Variants in MRE11 observed in about 807,000 individuals in gnomAD.
MRE11 encodes the protein MRE11 double strand break repair nuclease, also known as double-strand break repair protein MRE11.
In MRE11, 62 loss-of-function variants were observed where a neutral mutation model predicts 91.7. The ratio of observed to expected loss-of-function variants is 0.68; its 90% CI spans 0.55 to 0.84. The LOEUF (loss-of-function observed/expected upper bound fraction) is 0.84. Among genes scored for constraint, MRE11 ranks in the 40% least tolerant of loss-of-function variants. The probability of loss-of-function intolerance (pLI) is 0.00; values close to 1 mark genes in which losing one functional copy is unlikely to be tolerated. For synonymous variants in MRE11, 273 were observed against 271.4 expected (o/e 1.01, Z -0.06); for missense variants, 796 against 852.9 (o/e 0.93, Z 0.83).
intron 19 of MRE11, among the ~76,000 whole-genome samples, chr11:94,427,056 T>A (rs897811172): frequency 6.6e-6 from 1 of 152,170 alleles, no homozygotes; most frequent in African/African-American, 2.4e-5. Context: ...GAAGCCAGCA[T>A]CAGCCTGATA....
chr11:94,489,383 G>C (rs945958288), intron 3 of MRE11, among the ~76,000 whole-genome samples: 1 of 152,088 alleles, frequency 6.6e-6, no homozygotes, highest in African/African-American at 2.4e-5. Context: ...CAGGGGTCAA[G>C]ATCAAGTCGA....
chr11:94,438,123 G>A (rs558729667), intron 16 of MRE11, among the ~76,000 whole-genome samples: 29 of 151,656 alleles, frequency 1.9e-4, no homozygotes, highest in Middle Eastern at 3.4e-3. Flanking sequence ...GCGAAACTCC[G>A]TCTCAAAAAA....
intron 13 of MRE11, 135 bp from the exon 14 acceptor site, chr11:94,456,473 T>C (rs974979988): frequency 2.2e-5 from 16 of 720,456 alleles, no homozygotes; most frequent in Non-Finnish European, 3.3e-5. Flanking sequence ...AAGTAAATCA[T>C]ATTTTTCCAA....
At chr11:94,476,475 T>C in intron 6 of MRE11, 72 bp from the exon 7 acceptor site, 1 of 976,928 alleles carries the variant, frequency 1.0e-6, no homozygotes, top group South Asian at 1.3e-5. Flanking sequence ...ATTTTGCTTC[T>C]AAATTATGTC....
the MRE11 span, among the ~76,000 whole-genome samples, chr11:94,506,593 G>GTT: frequency 0.032 from 4,509 of 140,856 alleles, 271 homozygotes; most frequent in African/African-American, 0.11. Flanking sequence ...TGCTTTTTTT[G>GTT]TTTTTTTTTT....
chr11:94,488,410 C>A (rs1156834923), intron 3 of MRE11, among the ~76,000 whole-genome samples: 1 of 152,128 alleles, frequency 6.6e-6, no homozygotes, highest in Non-Finnish European at 1.5e-5. Flanking sequence ...CTTCAAAGAG[C>A]TAAAAATGGA....
At chr11:94,472,408 T>C (rs575256405) in intron 7 of MRE11, among the ~76,000 whole-genome samples, 7 of 152,232 alleles carry the variant, frequency 4.6e-5, no homozygotes, top group African/African-American at 1.2e-4. Flanking sequence ...TCACATAGTT[T>C]AACCAAGCAT....
At position 94,456,071 on chromosome 11, in the gene MRE11, T is replaced by C. The variant is rs921837475; in HGVS notation, c.1563+205A>G. Among the ~76,000 whole-genome samples the C allele has an allele frequency of 3.8e-4, 58 of 152,090 alleles. 1 individual carries two copies. Among genetic ancestry groups the C allele is most frequent in the Admixed American group, 3.7e-3 (57 of 15,264 alleles). ...GTCACTGCACTTGCTAAACAGGTTTTAGACAAGAACAAAATGGAAAAAAAG... is the reference window on the plus strand; with the variant it reads ...GTCACTGCACTTGCTAAACAGGTTTCAGACAAGAACAAAATGGAAAAAAAG... On this transcript the variant is annotated intron_variant, in intron 14 of 19. Transcript: ENST00000323929.
chr11:94,437,579 C>T (rs902538612), intron 16 of MRE11, among the ~76,000 whole-genome samples: 1 of 152,162 alleles, frequency 6.6e-6, no homozygotes, highest in Non-Finnish European at 1.5e-5. Context: ...CTCCTAATCC[C>T]TTCTTTGTTG....
upstream of MRE11, chr11:94,494,106 G>C (rs1469435530): frequency 6.6e-6 from 1 of 152,342 alleles, no homozygotes; most frequent in Admixed American, 6.5e-5. Flanking sequence ...TCCTGAGCCC[G>C]TGGGGGTGGG....
At chr11:94,457,294 G>C (rs1234221031) in intron 13 of MRE11, among the ~76,000 whole-genome samples, 1 of 152,180 alleles carries the variant, frequency 6.6e-6, no homozygotes, top group East Asian at 1.9e-4. Context: ...AGCTTCACTA[G>C]AATGATGGGA....
chr11:94,473,586 A>C lies in MRE11; in HGVS notation c.660-1827T>G, dbSNP rs568638395. 4.6e-5 allele frequency: 7 copies of C among 152,284 alleles called. No individual in the cohort carries two copies. In the East Asian group the frequency reaches 1.2e-3, roughly 25 times the overall value. The allele number at this position is 152,284 out of a possible 1,614,324, so 9.4% of individuals were successfully genotyped here. A position where few individuals can be genotyped will look rare whatever the true frequency, so the allele number is the denominator to read the frequency against. ...TCTTTGTTTTAAATATGAAAGCAGA[A>C]GTATCTTGAGAATGCACAGGGTGAC... On this transcript the variant is annotated intron_variant, in intron 7 of 19. Coordinates refer to ENST00000323929, the MANE Select transcript of MRE11 (RefSeq NM_005591.4).
intron 2 of MRE11, 126 bp downstream of exon 2, chr11:94,492,656 A>G (rs1364824057): frequency 7.1e-7 from 1 of 1,409,090 alleles, no homozygotes; most frequent in East Asian, 2.3e-5. Context: ...TTTGATGACT[A>G]ATATTTCTGT....
In MRE11 at chr11:94,447,431, G is replaced by C. The variant is rs876659237; in HGVS notation, c.1571C>G (p.Thr524Ser). ...CTGAGATCTGAGTGCTCTGGCCCTG[G>C]TCATAGCCTAAGAGGGAGAAGAAGG... ...EEDDEVREAM[T>S]RARALRSQSE... Residue 524 changes from threonine (T) to serine (S), a missense_variant, in exon 15 of 20, where the codon ACC becomes AGC. Physicochemically the swap from Thr to Ser is moderately conservative, Grantham distance 58 (BLOSUM62 1). Transcript: ENST00000323929. 5.6e-6 allele frequency: 9 copies of C among 1,614,094 alleles called. No homozygotes were observed. In the African/African-American group the frequency reaches 6.7e-5, roughly 12 times the overall value.
Position 94,419,838 on chromosome 11 carries a change from A to G in MRE11, c.*287T>C. 1 of 268,618 alleles carries G rather than the reference A, an allele frequency of 3.7e-6. No homozygotes were observed. The highest frequency in any genetic ancestry group is 7.1e-6 in the Non-Finnish European group (1 of 140,480). The allele number at this position is 268,618 out of a possible 1,614,324, so 16.6% of individuals were successfully genotyped here. ...TTTCCCTCAACTTTGGCTAAATGTA[A>G]CCATATTAAAATACTGACATAGTTT... On this transcript the variant is annotated 3_prime_UTR_variant, in exon 20 of 20. Coordinates refer to ENST00000323929, the MANE Select transcript of MRE11 (RefSeq NM_005591.4).
the MRE11 span, among the ~76,000 whole-genome samples, chr11:94,506,229 C>T: frequency 6.7e-6 from 1 of 150,100 alleles, no homozygotes; most frequent in East Asian, 1.9e-4. Context: ...AAGTAGTATG[C>T]TTATTACCTG....
chr11:94,455,492 T>A (rs1022035985), intron 14 of MRE11, among the ~76,000 whole-genome samples: 1 of 152,046 alleles, frequency 6.6e-6, no homozygotes, highest in East Asian at 1.9e-4. Context: ...AAATACTAGA[T>A]AGCAATCATA....
chr11:94,495,784 G>T (rs1250344033), upstream of MRE11, among the ~76,000 whole-genome samples: 4 of 152,098 alleles, frequency 2.6e-5, no homozygotes, highest in East Asian at 7.7e-4. Flanking sequence ...TCTAGACAAG[G>T]TCTTGTAGTA....
chr11:94,500,910 A>G, the MRE11 span, among the ~76,000 whole-genome samples: 1 of 152,194 alleles, frequency 6.6e-6, no homozygotes, highest in African/African-American at 2.4e-5. Context: ...TACCAAAATG[A>G]AATCTCTGGA....
Sources: allele counts gnomAD v4.1 joint callset (sites outside exome capture counted in the v4.1 genomes callset), GRCh38; gene constraint gnomAD v4.1.1; transcripts MANE v1.5; gene names NCBI Gene and HGNC (gene_info 2026-07-23, HGNC 2026-07-21).